Variants in USP13 observed in about 807,000 individuals in gnomAD.
USP13 encodes ubiquitin specific peptidase 13.
Under a neutral mutation model 107.8 loss-of-function variants are expected in USP13, and 68 were observed. The observed-to-expected ratio is 0.63, with a 90% confidence interval of 0.52 to 0.77. The LOEUF (loss-of-function observed/expected upper bound fraction) is 0.77, where lower values mean the gene tolerates loss of function less well. Ranked by LOEUF, USP13 falls within the 30% of genes least tolerant of loss-of-function variation. USP13 has a pLI of 0.00. For missense variants in USP13, 945 were observed against 1,093.3 expected (o/e 0.86, Z 1.91); for synonymous variants, 377 against 389.5 (o/e 0.97, Z 0.38).
rs1711570537 is a variant in USP13, at chr3:179,679,314, G to T, written c.169-2564G>T. On this transcript the variant is annotated intron_variant, in intron 1 of 20. Coordinates refer to ENST00000263966, the MANE Select transcript of USP13 (RefSeq NM_003940.3). ...TAAACAAATTTTAAACAAAATTATT[G>T]GAATTTTAAACAATTTTTAAATATA... Among the ~76,000 whole-genome samples, 5 of 151,932 alleles carry T rather than the reference G, an allele frequency of 3.3e-5. No homozygotes were observed. The South Asian group carries it at 1.0e-3, about 32-fold the overall frequency.
intron 8 of USP13, among the ~76,000 whole-genome samples, chr3:179,729,441 G>A (rs1012754278): frequency 1.3e-5 from 2 of 152,108 alleles, no homozygotes; most frequent in South Asian, 2.1e-4. Flanking sequence ...TGGTTAAGTC[G>A]AGTCTTGTCC....
intron 1 of USP13, among the ~76,000 whole-genome samples, chr3:179,672,693 C>T (rs890206452): frequency 2.6e-5 from 4 of 152,006 alleles, no homozygotes; most frequent in Non-Finnish European, 2.9e-5. Flanking sequence ...GGATTACAGG[C>T]GTGAGCCTCT....
At position 179,672,080 on chromosome 3, in the gene USP13, C is replaced by A. The variant is rs534514433; in HGVS notation, c.169-9798C>A. The stretch of plus-strand genomic sequence containing the variant: ...AGAAAACATCATCATAAACAAAGTT[C>A]TCTGAACACCTACCGATTGACAAAG... On this transcript the variant is annotated intron_variant, in intron 1 of 20. Coordinates refer to ENST00000263966, the MANE Select transcript of USP13 (RefSeq NM_003940.3). Among the ~76,000 whole-genome samples, 4 of 152,302 alleles carry A rather than the reference C, an allele frequency of 2.6e-5. No homozygotes were observed. The South Asian group carries it at 8.3e-4, about 32-fold the overall frequency.
chr3:179,769,983 C>T (rs1383559136), intron 19 of USP13, among the ~76,000 whole-genome samples: 1 of 152,216 alleles, frequency 6.6e-6, no homozygotes, highest in African/African-American at 2.4e-5. Flanking sequence ...TCTCCACAAA[C>T]ACAGCAGGGG....
chr3:179,768,639 A>G (rs1312200681), intron 19 of USP13, among the ~76,000 whole-genome samples: 2 of 152,246 alleles, frequency 1.3e-5, no homozygotes, highest in East Asian at 3.8e-4. Flanking sequence ...ACAGAACCAC[A>G]AATGTTTTCA....
intron 4 of USP13, among the ~76,000 whole-genome samples, chr3:179,704,622 C>G (rs547544842): frequency 6.6e-6 from 1 of 152,176 alleles, no homozygotes; most frequent in South Asian, 2.1e-4. Flanking sequence ...GTGGCATGTC[C>G]CAAACCCATA....
At chr3:179,733,379 C>T (rs1325028727) in intron 10 of USP13, among the ~76,000 whole-genome samples, 1 of 152,050 alleles carries the variant, frequency 6.6e-6, no homozygotes, top group Non-Finnish European at 1.5e-5. Context: ...TCCTTGTGGC[C>T]CTGGGGGTGT....
At chr3:179,662,044 A>T (rs551659917) in intron 1 of USP13, among the ~76,000 whole-genome samples, 1 of 152,280 alleles carries the variant, frequency 6.6e-6, no homozygotes, top group East Asian at 1.9e-4. Context: ...TGTGGCTCTC[A>T]TGCCCTTTCC....
At chr3:179,682,119 G>A (rs1252371274) in intron 2 of USP13, 116 bp downstream of exon 2, 2 of 1,354,636 alleles carry the variant, frequency 1.5e-6, no homozygotes, top group Admixed American at 2.4e-5. Flanking sequence ...TCCCTTTGAC[G>A]ATGAGAAACA....
At chr3:179,738,756 G>C (rs1166217032) in intron 10 of USP13, among the ~76,000 whole-genome samples, 1 of 152,192 alleles carries the variant, frequency 6.6e-6, no homozygotes, top group Non-Finnish European at 1.5e-5. Context: ...GCCAGTTTTA[G>C]TCTTCTTCAT....
chr3:179,775,653 C>G (rs1344896911), intron 19 of USP13, among the ~76,000 whole-genome samples: 3 of 152,212 alleles, frequency 2.0e-5, no homozygotes, highest in East Asian at 1.9e-4. Context: ...GTCCCAAGGC[C>G]TGCCCTGTGG....
rs576084363 is a variant in USP13, at chr3:179,719,334, C to T, written c.806-606C>T. 4.2e-4 allele frequency among the ~76,000 whole-genome samples: 64 copies of T among 152,248 alleles called. 2 individuals carry two copies. In the South Asian group the frequency reaches 0.013, roughly 32 times the overall value. ...GGTGGGCCATTAGGGAAGCGCCACACAGTCTTCACAGATCTCTCGCTGGTT... is the reference window on the plus strand; with the variant it reads ...GGTGGGCCATTAGGGAAGCGCCACATAGTCTTCACAGATCTCTCGCTGGTT... On this transcript the variant is annotated intron_variant, in intron 6 of 20. Coordinates refer to ENST00000263966, the MANE Select transcript of USP13 (RefSeq NM_003940.3).
intron 19 of USP13, among the ~76,000 whole-genome samples, chr3:179,772,105 G>C (rs1255948288): frequency 6.6e-6 from 1 of 152,138 alleles, no homozygotes; most frequent in African/African-American, 2.4e-5. Context: ...CTTTATCCCC[G>C]ATTGAGTCAT....
rs116196364 is a variant in USP13, at chr3:179,754,872, G to A, written c.1921+18G>A. ...CTCAAAAGGTACCATCTCCTGCCAG[G>A]AGAATATGCGCTACCCTCCCACCCT... On this transcript the variant is annotated intron_variant, in intron 15 of 20. Transcript: ENST00000263966. 7.7e-4 allele frequency: 1,242 copies of A among 1,604,032 alleles called. 10 individuals are homozygous for A. The African/African-American group carries it at 0.015, about 19-fold the overall frequency.
At chr3:179,706,024 C>G (rs1712700776) in intron 4 of USP13, among the ~76,000 whole-genome samples, 1 of 152,138 alleles carries the variant, frequency 6.6e-6, no homozygotes, top group Non-Finnish European at 1.5e-5. Flanking sequence ...TGCCCGGCCC[C>G]ATTTTTTTGA....
chr3:179,685,705 A>C (rs1711849156), intron 2 of USP13, among the ~76,000 whole-genome samples: 1 of 151,992 alleles, frequency 6.6e-6, no homozygotes, highest in Admixed American at 6.5e-5. Context: ...AGTTAGCAGC[A>C]GAACTGTGGA....
At chr3:179,692,220 C>G (rs1253465084) in intron 3 of USP13, among the ~76,000 whole-genome samples, 1 of 152,202 alleles carries the variant, frequency 6.6e-6, no homozygotes, top group Non-Finnish European at 1.5e-5. Flanking sequence ...TTCTGATTTT[C>G]ATCTTTTTGC....
In USP13 at chr3:179,653,630, T is replaced by A; in HGVS notation, c.168+237T>A. On this transcript the variant is annotated intron_variant, in intron 1 of 20. Transcript: ENST00000263966. The surrounding 1 kb of genome is among the most constrained non-coding windows in gnomAD (Gnocchi z 4.0). ...GCCTCCCCAGGCTGGAAGGGCCCGA[T>A]TCCCAGCAGCTTGCACACAGCCCCG... 1 of 529,638 alleles carries A rather than the reference T, an allele frequency of 1.9e-6. No homozygotes were observed. The highest frequency in any genetic ancestry group is 2.3e-5 in the South Asian group (1 of 42,810). 32.8% of individuals were successfully genotyped at this position (529,638 alleles called of 1,614,324 possible).
chr3:179,684,873 T>C (rs957890390), intron 2 of USP13, among the ~76,000 whole-genome samples: 7 of 152,136 alleles, frequency 4.6e-5, no homozygotes, highest in African/African-American at 1.7e-4. Context: ...TCTATATGGA[T>C]TATGGAATTA....
Sources: gnomAD v4.1 joint callset for allele counts (sites outside exome capture counted in the v4.1 genomes callset) on GRCh38, gnomAD v4.1.1 for gene constraint, Gnocchi (gnomAD v3.1) non-coding constraint, MANE v1.5 for transcripts, NCBI Gene and HGNC (gene_info 2026-07-23, HGNC 2026-07-21) for gene names.